Variants in NHSL3 observed in about 807,000 individuals in gnomAD.
NHSL3 encodes NHS like 3, also known as NHS-like protein 3.
chr1:32,757,969 A>G, the NHSL3 span, among the ~76,000 whole-genome samples: 1 of 152,212 alleles, frequency 6.6e-6, no homozygotes, highest in East Asian at 1.9e-4. Flanking sequence ...GGGGTTGAGG[A>G]CTAAGCATTA....
the NHSL3 span, chr1:32,771,446 C>A: frequency 6.3e-7 from 1 of 1,584,976 alleles, no homozygotes; most frequent in Non-Finnish European, 8.6e-7. Flanking sequence ...GCACCATCTG[C>A]CTCAGAGACT....
At chr1:32,760,997 C>T in the NHSL3 span, among the ~76,000 whole-genome samples, 1 of 152,160 alleles carries the variant, frequency 6.6e-6, no homozygotes, top group Non-Finnish European at 1.5e-5. Flanking sequence ...GAGGAGCCCG[C>T]AGGTGTGCTT....
the NHSL3 span, chr1:32,773,128 G>C: frequency 7.0e-6 from 4 of 569,864 alleles, no homozygotes; most frequent in African/African-American, 7.5e-5. Flanking sequence ...TTCAGTCTTG[G>C]CCTTAGCCTC....
the NHSL3 span, among the ~76,000 whole-genome samples, chr1:32,753,021 T>A: frequency 6.9e-5 from 10 of 144,460 alleles, 1 homozygote; most frequent in East Asian, 1.9e-3. Context: ...CAGGCTGGAG[T>A]GCAGTGGTGT....
At chr1:32,773,177 C>A in the NHSL3 span, 1 of 518,016 alleles carries the variant, frequency 1.9e-6, no homozygotes, top group Non-Finnish European at 3.5e-6. Flanking sequence ...GGTGGCTGCG[C>A]CCCCTGCTGG....
the NHSL3 span, chr1:32,772,285 C>T: frequency 1.9e-6 from 3 of 1,593,590 alleles, no homozygotes; most frequent in Non-Finnish European, 2.6e-6. Flanking sequence ...AGTCCCCCCA[C>T]CCGCCTCCCC....
chr1:32,772,816 AC>A, the NHSL3 span: 1 of 1,598,380 alleles, frequency 6.3e-7, no homozygotes, highest in Non-Finnish European at 8.6e-7. Context: ...TAGTGCCAGA[AC>A]CAAGCCAGGA....
At chr1:32,771,063 T>C in the NHSL3 span, 2 of 1,612,986 alleles carry the variant, frequency 1.2e-6, no homozygotes, top group Non-Finnish European at 8.5e-7. Context: ...CCGTCTCCTC[T>C]TCCCTCACGT....
At chr1:32,758,328 A>C in the NHSL3 span, among the ~76,000 whole-genome samples, 4 of 151,930 alleles carry the variant, frequency 2.6e-5, no homozygotes, top group African/African-American at 7.3e-5. Context: ...GGTTGGATTT[A>C]TTGTTCCCAT....
At chr1:32,756,009 G>A in the NHSL3 span, among the ~76,000 whole-genome samples, 1 of 152,188 alleles carries the variant, frequency 6.6e-6, no homozygotes, top group Non-Finnish European at 1.5e-5. Context: ...TGTGTTTATA[G>A]TCTCTTGCCT....
At chr1:32,769,900 G>C in the NHSL3 span, 1 of 1,608,792 alleles carries the variant, frequency 6.2e-7, no homozygotes, top group South Asian at 1.1e-5. Context: ...TGAGCGTGAG[G>C]CACCAGGCAC....
At chr1:32,746,294 T>C in the NHSL3 span, among the ~76,000 whole-genome samples, 1 of 150,444 alleles carries the variant, frequency 6.6e-6, no homozygotes, top group South Asian at 2.1e-4. Context: ...GGAATCCATA[T>C]CTTCCAGAAA....
chr1:32,749,984 A>G, the NHSL3 span, among the ~76,000 whole-genome samples: 6 of 152,134 alleles, frequency 3.9e-5, no homozygotes, highest in Non-Finnish European at 8.8e-5. Context: ...CTCTCTCTCC[A>G]GACCCTCAAA....
the NHSL3 span, among the ~76,000 whole-genome samples, chr1:32,744,407 T>A: frequency 2.0e-5 from 3 of 152,306 alleles, no homozygotes; most frequent in South Asian, 6.2e-4. Flanking sequence ...TGTCAAGATC[T>A]TACTTGCAGA....
chr1:32,752,940 C>CAT, the NHSL3 span, among the ~76,000 whole-genome samples: 5 of 14,406 alleles, frequency 3.5e-4, no homozygotes, highest in African/African-American at 7.6e-4. Flanking sequence ...CACACACACA[C>CAT]ACACACACAC....
the NHSL3 span, among the ~76,000 whole-genome samples, chr1:32,755,580 C>A: frequency 6.6e-6 from 1 of 152,080 alleles, no homozygotes; most frequent in Middle Eastern, 3.2e-3. Context: ...AAATCAGGGG[C>A]CCTAGGTGAC....
At chr1:32,769,107 A>T in the NHSL3 span, among the ~76,000 whole-genome samples, 1 of 152,074 alleles carries the variant, frequency 6.6e-6, no homozygotes, top group African/African-American at 2.4e-5. Context: ...ACAAAAAATT[A>T]GCCTTGCCTG....
At chr1:32,760,253 C>G in the NHSL3 span, among the ~76,000 whole-genome samples, 2 of 152,136 alleles carry the variant, frequency 1.3e-5, no homozygotes, top group Admixed American at 1.3e-4. Flanking sequence ...GTGCCCTCCC[C>G]CTTCATTCCT....
chr1:32,772,856 C>T, the NHSL3 span: 34 of 1,613,810 alleles, frequency 2.1e-5, 1 homozygote, highest in South Asian at 3.6e-4. Context: ...TCTTATTTTT[C>T]TCCCCCAGAC....
Sources: gnomAD v4.1 joint callset for allele counts (sites outside exome capture counted in the v4.1 genomes callset) on GRCh38, gnomAD v4.1.1 for gene constraint, MANE v1.5 for transcripts, NCBI Gene and HGNC (gene_info 2026-07-23, HGNC 2026-07-21) for gene names.